C4orf17: variants seen among roughly 807,000 people sequenced by gnomAD.
C4orf17 encodes the protein chromosome 4 open reading frame 17.
C4orf17 carries 25 observed loss-of-function variants against 32.0 expected under a neutral mutation model. That is an observed-to-expected ratio of 0.78 (90% CI 0.57 to 1.09). The LOEUF (loss-of-function observed/expected upper bound fraction) is 1.09, where lower values mean the gene tolerates loss of function less well. C4orf17 is among the 50% of genes least tolerant of loss of function. C4orf17 has a pLI of 0.00. For missense variants in C4orf17, 420 were observed against 420.0 expected, an observed-to-expected ratio of 1.00 and a Z score of 0.00; for synonymous variants, 149 against 145.8, an observed-to-expected ratio of 1.02 and a Z score of -0.16.
At chr4:99,512,367 C>T (rs558630101) in intron 1 of C4orf17, among the ~76,000 whole-genome samples, 2 of 152,218 alleles carry the variant, frequency 1.3e-5, no homozygotes, top group African/African-American at 4.8e-5. Context: ...AGATACATAA[C>T]ATTATCTTTA....
Position 99,522,566 on chromosome 4 carries a change from T to G in C4orf17, c.194T>G (p.Val65Gly). The change falls in exon 3 of 9, where the codon GTT (valine) becomes GGT (glycine). Residue 65 changes from valine (V) to glycine (G), a missense_variant. Transcript: ENST00000326581. ...AATGCATTTGGAACATTGTGGGGAG[T>G]TGGCCAGTCTAACTACTTAGAGAAG... Reference protein sequence around the residue: ...DENAFGTLWGVGQSNYLEKNR... With the variant: ...DENAFGTLWGGGQSNYLEKNR... 6.2e-7 allele frequency: 1 copy of G among 1,613,906 alleles called. No individual in the cohort carries two copies. Among genetic ancestry groups the G allele is most frequent in the Non-Finnish European group, 8.5e-7 (1 of 1,179,928 alleles).
intron 5 of C4orf17, among the ~76,000 whole-genome samples, chr4:99,537,366 T>C (rs1357519546): frequency 1.3e-5 from 2 of 152,300 alleles, no homozygotes; most frequent in African/African-American, 4.8e-5. Context: ...TCATCCGTTG[T>C]TGAGGTCAGG....
intron 5 of C4orf17, chr4:99,535,922 C>T (rs1322913217): frequency 2.2e-6 from 1 of 447,842 alleles, no homozygotes; most frequent in African/African-American, 2.0e-5. Flanking sequence ...ATTTTTGTGG[C>T]ATCTTTGTTG....
intron 2 of C4orf17, among the ~76,000 whole-genome samples, chr4:99,520,210 C>A (rs1477807312): frequency 6.6e-6 from 1 of 151,258 alleles, no homozygotes; most frequent in East Asian, 1.9e-4. Flanking sequence ...CTGCCTTAGT[C>A]TCCCGAGTAG....
intron 4 of C4orf17, among the ~76,000 whole-genome samples, chr4:99,525,834 ATGT>A (rs951089100): frequency 3.4e-4 from 52 of 152,168 alleles, no homozygotes; most frequent in African/African-American, 1.1e-3. Context: ...TTTTATTATA[ATGT>A]TGTAAAAGTT....
chr4:99,522,635 C>T lies in C4orf17; in HGVS notation c.263C>T (p.Ala88Val). ...FANCSYPSST[A>V]VQESPVRGMS... ...AATTGCAGTTACCCCTCCAGCACTG[C>T]AGTCCAGGAGAGCCCTGTAAGAGGA... Residue 88 changes from alanine (A) to valine (V), a missense_variant, in exon 3 of 9, where the codon GCA becomes GTA. Physicochemically the swap from Ala to Val is moderately conservative, Grantham distance 64. Coordinates refer to ENST00000326581, the MANE Select transcript of C4orf17 (RefSeq NM_032149.3). The T allele has an allele frequency of 1.2e-6, 2 of 1,614,028 alleles. No homozygotes were observed. Among genetic ancestry groups the T allele is most frequent in the Middle Eastern group, 1.7e-4 (1 of 6,060 alleles).
At chr4:99,518,293 C>G (rs1384523675) in intron 2 of C4orf17, among the ~76,000 whole-genome samples, 3 of 151,076 alleles carry the variant, frequency 2.0e-5, no homozygotes, top group Non-Finnish European at 4.4e-5. Context: ...GTAGCTCACA[C>G]TTGCAATCCC....
chr4:99,522,620 A>G lies in C4orf17; in HGVS notation c.248A>G (p.Tyr83Cys), dbSNP rs1578189529. The change falls in exon 3 of 9, where the codon TAC (tyrosine) becomes TGC (cysteine). Residue 83 changes from tyrosine (Y) to cysteine (C), a missense_variant. Coordinates refer to ENST00000326581, the MANE Select transcript of C4orf17 (RefSeq NM_032149.3). ...KNRIPFANCS[Y>C]PSSTAVQESP... is the part of the protein sequence containing the mutation. ...AGGATACCATTTGCCAATTGCAGTT[A>G]CCCCTCCAGCACTGCAGTCCAGGAG... is the stretch of plus-strand genomic sequence containing the variant. The G allele has an allele frequency of 6.2e-7, 1 of 1,613,890 alleles. No individual in the cohort carries two copies.
At chr4:99,539,955 T>G (rs1312448197) in intron 7 of C4orf17, among the ~76,000 whole-genome samples, 1 of 152,108 alleles carries the variant, frequency 6.6e-6, no homozygotes, top group African/African-American at 2.4e-5. Flanking sequence ...TATATTTATG[T>G]AGAATCATGG....
rs1462839479 is a variant in C4orf17 at position 99,522,695 on chromosome 4, C to T, written c.323C>T (p.Pro108Leu). 6.2e-7 allele frequency: 1 copy of T among 1,613,412 alleles called. No individual in the cohort carries two copies. Among genetic ancestry groups the T allele is most frequent in the Admixed American group, 1.7e-5 (1 of 60,010 alleles). Residue 108 changes from proline to leucine, a missense_variant, in exon 3 of 9, where the codon CCA (proline) becomes CTA (leucine). Physicochemically the swap from Pro to Leu is moderately conservative, Grantham distance 98. Coordinates refer to ENST00000326581, the MANE Select transcript of C4orf17 (RefSeq NM_032149.3). ...GCCCCAAACGGTGCCAAAGTGCCTC[C>T]ACGGCCTCATTCTGGTGAGTTGAGT... ...SPAPNGAKVP[P>L]RPHSEPSRKI...
chr4:99,531,353 A>G (rs1442597133), intron 5 of C4orf17, among the ~76,000 whole-genome samples: 1 of 152,134 alleles, frequency 6.6e-6, no homozygotes, highest in Non-Finnish European at 1.5e-5. Flanking sequence ...AGGAAAAGTG[A>G]ACTCAAAATC....
At chr4:99,521,988 C>T (rs2110168009) in intron 2 of C4orf17, among the ~76,000 whole-genome samples, 1 of 152,332 alleles carries the variant, frequency 6.6e-6, no homozygotes, top group African/African-American at 2.4e-5. Context: ...CTTTCACAAT[C>T]TACCTTATCC....
rs536817544 is a variant in C4orf17, at chr4:99,536,034, C to G, written c.547-1635C>G. ...AGACCCTGGTTGCCTTGAGTTTTCCCATACCTAGAGGTATCATCAGTGAGA... is the reference window on the plus strand; with the variant it reads ...AGACCCTGGTTGCCTTGAGTTTTCCGATACCTAGAGGTATCATCAGTGAGA... On this transcript the variant is annotated intron_variant, in intron 5 of 8. Transcript: ENST00000326581. 9.0e-5 allele frequency: 40 copies of G among 441,996 alleles called. 1 individual carries two copies. Among genetic ancestry groups the G allele is most frequent in the South Asian group, 5.9e-4 (36 of 61,076 alleles). 27.4% of individuals were successfully genotyped at this position (441,996 alleles called of 1,614,324 possible).
chr4:99,524,411 A>C, intron 3 of C4orf17, 110 bp from the exon 4 acceptor site: 3 of 578,756 alleles, frequency 5.2e-6, no homozygotes, highest in Non-Finnish European at 8.8e-6. Context: ...TCCTGAATTG[A>C]CCTTAAAGTC....
intron 4 of C4orf17, among the ~76,000 whole-genome samples, chr4:99,526,361 T>C (rs557862630): frequency 6.6e-6 from 1 of 152,356 alleles, no homozygotes; most frequent in South Asian, 2.1e-4. Flanking sequence ...GGTCATGATG[T>C]ATTATCCTTG....
chr4:99,531,910 G>A (rs1009980580), intron 5 of C4orf17, among the ~76,000 whole-genome samples: 1 of 152,028 alleles, frequency 6.6e-6, no homozygotes, highest in Non-Finnish European at 1.5e-5. Flanking sequence ...ACTCTAAATG[G>A]GCTGTGAAAT....
chr4:99,539,106 T>C, intron 6 of C4orf17, 57 bp from the exon 7 acceptor site: 5 of 1,469,054 alleles, frequency 3.4e-6, no homozygotes, highest in Non-Finnish European at 4.8e-6. Context: ...TGTGTTTCTA[T>C]CCAACATGAT....
At chr4:99,524,468 A>G (rs1723352853) in intron 3 of C4orf17, 53 bp from the exon 4 acceptor site, 1 of 1,075,752 alleles carries the variant, frequency 9.3e-7, no homozygotes, top group South Asian at 1.3e-5. Flanking sequence ...ATCATGTGAT[A>G]TAAATTCTTT....
intron 8 of C4orf17, chr4:99,541,571 C>T (rs1467930785): frequency 4.2e-6 from 1 of 238,856 alleles, no homozygotes; most frequent in Non-Finnish European, 8.0e-6. Flanking sequence ...CTTGTCTTAG[C>T]CTGTTTGTCT....
Sources: allele counts gnomAD v4.1 joint callset (sites outside exome capture counted in the v4.1 genomes callset), GRCh38; gene constraint gnomAD v4.1.1; transcripts MANE v1.5; gene names NCBI Gene and HGNC (gene_info 2026-07-23, HGNC 2026-07-21).